Variants in LARP1 observed in about 807,000 individuals in gnomAD.
The protein encoded by LARP1 is La ribonucleoprotein 1, translational regulator.
In LARP1, 36 loss-of-function variants were observed where a neutral mutation model predicts 122.7. That is an observed-to-expected ratio of 0.29 (90% CI 0.22 to 0.39). The LOEUF (loss-of-function observed/expected upper bound fraction) is 0.39, where lower values mean the gene tolerates loss of function less well. Among genes scored for constraint, LARP1 ranks in the 10% least tolerant of loss-of-function variants. The pLI, the probability that LARP1 is intolerant of heterozygous loss-of-function variation, is 1.00. For synonymous variants in LARP1, 539 were observed against 528.7 expected (o/e 1.02, Z -0.27); for missense variants, 1,040 against 1,403.6 (o/e 0.74, Z 4.14).
chr5:154,755,354 C>T (rs1339175032), upstream of LARP1, among the ~76,000 whole-genome samples: 1 of 150,644 alleles, frequency 6.6e-6, no homozygotes. Context: ...GTCTGCTTGG[C>T]TCGCCGCGCC....
At chr5:154,762,818 G>A (rs564886902) in intron 1 of LARP1, among the ~76,000 whole-genome samples, 123 of 152,282 alleles carry the variant, frequency 8.1e-4, no homozygotes, top group Non-Finnish European at 1.1e-3. Flanking sequence ...CTTTGCCTTA[G>A]AATGGAGTTG....
At chr5:154,732,544 A>T (rs554602883) in intron 1 of LARP1, among the ~76,000 whole-genome samples, 2 of 152,332 alleles carry the variant, frequency 1.3e-5, no homozygotes, top group Admixed American at 6.5e-5. Flanking sequence ...TGCCATGAGC[A>T]GGGAATCTGA....
intron 18 of LARP1, among the ~76,000 whole-genome samples, chr5:154,812,339 A>G (rs1239501756): frequency 6.6e-6 from 1 of 152,212 alleles, no homozygotes; most frequent in Non-Finnish European, 1.5e-5. Flanking sequence ...TAATAAAGAC[A>G]TACCTGAGAC....
chr5:154,732,375 A>G (rs1326117431), intron 1 of LARP1, among the ~76,000 whole-genome samples: 3 of 152,186 alleles, frequency 2.0e-5, no homozygotes, highest in African/African-American at 7.2e-5. Flanking sequence ...TCAGTCTTCT[A>G]TCTGACTCAT....
At chr5:154,716,734 C>G (rs1452292042) in intron 1 of LARP1, among the ~76,000 whole-genome samples, 1 of 151,654 alleles carries the variant, frequency 6.6e-6, no homozygotes, top group Non-Finnish European at 1.5e-5. Context: ...CAGGTGTGAG[C>G]CACTGCACCC....
chr5:154,775,946 G>A (rs1036747625), intron 1 of LARP1, among the ~76,000 whole-genome samples: 3 of 152,324 alleles, frequency 2.0e-5, no homozygotes, highest in Non-Finnish European at 2.9e-5. Context: ...AAAGGGGCAC[G>A]GCAGGAGGCC....
At position 154,798,371 on chromosome 5, in the gene LARP1, T is replaced by C. The variant is rs987143833; in HGVS notation, c.1378-1220T>C. Reference sequence around the variant, plus strand: ...TATACAACACATGGCATTTCTTCAATTCTTTTTTGTTTTAACTTAATATAT... The same window carrying C: ...TATACAACACATGGCATTTCTTCAACTCTTTTTTGTTTTAACTTAATATAT... On this transcript the variant is annotated intron_variant, in intron 8 of 18. Transcript: ENST00000518297. 4.6e-5 allele frequency among the ~76,000 whole-genome samples: 7 copies of C among 152,228 alleles called. No homozygotes were observed. The East Asian group carries it at 1.3e-3, about 29-fold the overall frequency.
Position 154,793,824 on chromosome 5 carries a change from C to T in LARP1, c.893C>T (p.Pro298Leu). ...IKGSESATYV[P>L]VAPPTPAWQP... ...GGGTCTGAGTCTGCCACCTACGTGC[C>T]CGTGGCCCCCCCCACCCCAGCCTGG... The change falls in exon 6 of 19, where the codon CCC becomes CTC. Residue 298 changes from proline to leucine, a missense_variant. Transcript: ENST00000518297. The T allele has an allele frequency of 6.2e-7, 1 of 1,614,172 alleles. No individual in the cohort carries two copies. Among genetic ancestry groups the T allele is most frequent in the Non-Finnish European group, 8.5e-7 (1 of 1,180,010 alleles).
intron 1 of LARP1, among the ~76,000 whole-genome samples, chr5:154,704,987 ATGCGCCTGTAATCCCAGC>A (rs1233557539): frequency 1.3e-5 from 2 of 150,704 alleles, no homozygotes; most frequent in African/African-American, 4.9e-5. Flanking sequence ...GCCTGGTGGC[ATGCGCCTGTAATCCCAGC>A]TACTCAGGAG....
chr5:154,699,291 G>C (rs1754608551), intron 1 of LARP1, among the ~76,000 whole-genome samples: 1 of 152,200 alleles, frequency 6.6e-6, no homozygotes. Context: ...AGGAGTGCTT[G>C]TTTAAAATAA....
intron 14 of LARP1, chr5:154,805,048 T>C (rs962692352): frequency 7.9e-6 from 3 of 379,152 alleles, no homozygotes; most frequent in African/African-American, 6.3e-5. Flanking sequence ...ATGTTTTGCA[T>C]ATTATATGTA....
intron 3 of LARP1, among the ~76,000 whole-genome samples, chr5:154,791,131 G>GT (rs1370042546): frequency 1.6e-4 from 21 of 134,214 alleles, no homozygotes; most frequent in African/African-American, 6.0e-4. Context: ...AGTGTTTTTT[G>GT]TTGTTTTTTT....
intron 3 of LARP1, chr5:154,791,933 C>T (rs373181138): frequency 1.1e-5 from 5 of 455,832 alleles, no homozygotes; most frequent in South Asian, 7.7e-5. Context: ...CTTTTATAAT[C>T]CCCATTTTAC....
intron 1 of LARP1, among the ~76,000 whole-genome samples, chr5:154,697,614 G>C (rs6580110): frequency 6.6e-6 from 1 of 151,948 alleles, no homozygotes; most frequent in Non-Finnish European, 1.5e-5. Flanking sequence ...ATGCTATAAC[G>C]TCGATGAACC....
At chr5:154,795,487 C>T (rs1030150432) in intron 8 of LARP1, among the ~76,000 whole-genome samples, 168 bp downstream of exon 8, 6 of 152,070 alleles carry the variant, frequency 3.9e-5, no homozygotes, top group Non-Finnish European at 7.3e-5. Flanking sequence ...CTTTCTCTCC[C>T]TCTCTTGCTC....
rs780723207 is a variant in LARP1 at position 154,803,728 on chromosome 5, C to T, written c.2422C>T (p.Arg808Trp). Reference sequence around the variant, plus strand: ...GTTTTACCCAGTGGTGAAAGAAGGACGGACACTGGATGCCAAGGTGAGGCA... The same window carrying T: ...GTTTTACCCAGTGGTGAAAGAAGGATGGACACTGGATGCCAAGGTGAGGCA... Reference protein sequence around the residue: ...SRFYPVVKEGRTLDAKMPRKR... With the variant: ...SRFYPVVKEGWTLDAKMPRKR... The change falls in exon 13 of 19, where the codon CGG (arginine) becomes TGG (tryptophan). Residue 808 changes from arginine (R) to tryptophan (W), a missense_variant. Physicochemically the swap from Arg to Trp is moderately radical, Grantham distance 101 (BLOSUM62 -3). Transcript: ENST00000518297. This position sits in a 1 kb window ranked among gnomAD's most constrained non-coding sequence, Gnocchi z 4.4. The T allele has an allele frequency of 9.9e-6, 16 of 1,614,092 alleles. No homozygotes were observed. Among genetic ancestry groups the T allele is most frequent in the South Asian group, 3.3e-5 (3 of 91,096 alleles).
At chr5:154,700,494 T>A (rs1754659764) in intron 1 of LARP1, among the ~76,000 whole-genome samples, 1 of 151,792 alleles carries the variant, frequency 6.6e-6, no homozygotes, top group African/African-American at 2.4e-5. Flanking sequence ...ATCGTGCTAC[T>A]GCACTCCAGC....
intron 1 of LARP1, among the ~76,000 whole-genome samples, chr5:154,772,774 G>A (rs1755547719): frequency 6.6e-6 from 1 of 151,992 alleles, no homozygotes; most frequent in African/African-American, 2.4e-5. Flanking sequence ...CACAACCTCC[G>A]CCTCCCAGGT....
At chr5:154,806,116 G>A (rs1758756802) in intron 15 of LARP1, 84 bp downstream of exon 15, 3 of 1,421,744 alleles carry the variant, frequency 2.1e-6, no homozygotes, top group East Asian at 2.4e-5. Context: ...ACGGGGATAG[G>A]TGACTCTTTT....
Sources: allele counts gnomAD v4.1 joint callset (sites outside exome capture counted in the v4.1 genomes callset), GRCh38; gene constraint gnomAD v4.1.1; non-coding constraint Gnocchi (gnomAD v3.1); transcripts MANE v1.5; gene names NCBI Gene and HGNC (gene_info 2026-07-23, HGNC 2026-07-21).